The following MACROD2 variants were observed in gnomAD, a reference collection of about 807,000 sequenced individuals.
MACROD2 encodes the protein mono-ADP ribosylhydrolase 2.
Under a neutral mutation model 70.4 loss-of-function variants are expected in MACROD2, and 36 were observed. The observed-to-expected ratio is 0.51, with a 90% CI of 0.39 to 0.68. The LOEUF (loss-of-function observed/expected upper bound fraction) is 0.68. Among genes scored for constraint, MACROD2 ranks in the 30% least tolerant of loss-of-function variants. The pLI is 0.00. For missense variants in MACROD2, 496 were observed against 538.4 expected, an observed-to-expected ratio of 0.92 and a Z score of 0.78; for synonymous variants, 172 against 178.8, an observed-to-expected ratio of 0.96 and a Z score of 0.30.
chr20:15,583,842 A>G lies in MACROD2; in HGVS notation c.645+83995A>G, dbSNP rs561880822. On this transcript the variant is annotated intron_variant, in intron 8 of 17. Transcript: ENST00000684519. ...TTTCTGGTAGAGACAGGGTTTCACC[A>G]TGTTGGCCAGGCTGGTCTCAAACTC... is the stretch of plus-strand genomic sequence containing the variant. Among the ~76,000 whole-genome samples the G allele has an allele frequency of 1.7e-4, 26 of 152,210 alleles. No individual in the cohort carries two copies. In the East Asian group the frequency reaches 4.7e-3, roughly 27 times the overall value.
chr20:14,875,983 C>T (rs889647567), intron 5 of MACROD2, among the ~76,000 whole-genome samples: 10 of 151,958 alleles, frequency 6.6e-5, no homozygotes, highest in Non-Finnish European at 1.0e-4. Context: ...GTTATATATC[C>T]AGTATTGGGA....
At chr20:14,109,125 A>G (rs1228883513) in intron 3 of MACROD2, among the ~76,000 whole-genome samples, 1 of 152,120 alleles carries the variant, frequency 6.6e-6, no homozygotes, top group Non-Finnish European at 1.5e-5. Context: ...TTTGGAAACT[A>G]TACAAACACA....
intron 3 of MACROD2, among the ~76,000 whole-genome samples, chr20:14,123,456 A>C (rs2054609285): frequency 6.6e-6 from 1 of 152,158 alleles, no homozygotes; most frequent in Admixed American, 6.5e-5. Context: ...GTAAAGATGT[A>C]GGGAAGACAA....
intron 5 of MACROD2, among the ~76,000 whole-genome samples, chr20:14,898,616 G>C (rs2073858806): frequency 6.6e-6 from 1 of 152,120 alleles, no homozygotes; most frequent in African/African-American, 2.4e-5. Context: ...ACAAAAATTA[G>C]CTGGGCTATA....
At chr20:14,373,525 C>T (rs1568582798) in intron 3 of MACROD2, among the ~76,000 whole-genome samples, 1 of 152,006 alleles carries the variant, frequency 6.6e-6, no homozygotes, top group Admixed American at 6.6e-5. Context: ...TATTTTTCTG[C>T]AGATCCCTCA....
intron 5 of MACROD2, among the ~76,000 whole-genome samples, chr20:15,021,934 G>C (rs2075190085): frequency 6.6e-6 from 1 of 151,958 alleles, no homozygotes; most frequent in Admixed American, 6.6e-5. Flanking sequence ...AGAAAGAGGG[G>C]AGAGGAGTGT....
chr20:15,794,552 C>G (rs1215867347), intron 8 of MACROD2, among the ~76,000 whole-genome samples: 1 of 152,104 alleles, frequency 6.6e-6, no homozygotes, highest in Non-Finnish European at 1.5e-5. Flanking sequence ...CATTTTTTCT[C>G]CTTTCCCCTA....
intron 12 of MACROD2, among the ~76,000 whole-genome samples, chr20:15,952,645 A>G (rs1036609849): frequency 1.3e-5 from 2 of 152,158 alleles, no homozygotes; most frequent in East Asian, 1.9e-4. Flanking sequence ...AGTATTGTCC[A>G]TGGTCAAAGC....
chr20:15,559,751 G>T (rs2048217928), intron 8 of MACROD2, among the ~76,000 whole-genome samples: 1 of 152,190 alleles, frequency 6.6e-6, no homozygotes, highest in South Asian at 2.1e-4. Flanking sequence ...GGGGTGAGGA[G>T]ATGGAATTTT....
intron 9 of MACROD2, among the ~76,000 whole-genome samples, chr20:15,870,138 G>A (rs1304333505): frequency 1.3e-5 from 2 of 151,778 alleles, no homozygotes; most frequent in Non-Finnish European, 2.9e-5. Context: ...TTATTGATAT[G>A]AATATATCTT....
chr20:15,468,232 T>C (rs1206096398), intron 7 of MACROD2, among the ~76,000 whole-genome samples: 1 of 152,066 alleles, frequency 6.6e-6, no homozygotes, highest in African/African-American at 2.4e-5. Flanking sequence ...CTTTCAAAAG[T>C]ACTTGTGCTG....
intron 15 of MACROD2, among the ~76,000 whole-genome samples, chr20:16,004,754 G>C (rs1175851203): frequency 6.6e-6 from 1 of 152,180 alleles, no homozygotes; most frequent in African/African-American, 2.4e-5. Context: ...TTCTCTCTCT[G>C]GGCACGAGTG....
intron 6 of MACROD2, among the ~76,000 whole-genome samples, chr20:15,257,305 G>A (rs889199571): frequency 3.3e-4 from 50 of 152,074 alleles, no homozygotes; most frequent in African/African-American, 1.2e-3. Flanking sequence ...GGAAGCCTCT[G>A]GGGGCAAGTG....
At chr20:14,206,660 T>C (rs566622485) in intron 3 of MACROD2, among the ~76,000 whole-genome samples, 1 of 151,910 alleles carries the variant, frequency 6.6e-6, no homozygotes, top group East Asian at 1.9e-4. Context: ...ATGAGGCTTT[T>C]TTTTTTTTTT....
chr20:14,598,015 C>T (rs971159631), intron 4 of MACROD2, among the ~76,000 whole-genome samples: 3 of 152,102 alleles, frequency 2.0e-5, no homozygotes, highest in Non-Finnish European at 4.4e-5. Context: ...CTGTGCTTCT[C>T]TACCTTTGTT....
chr20:15,183,232 C>T (rs916064322), intron 5 of MACROD2, among the ~76,000 whole-genome samples: 4 of 152,096 alleles, frequency 2.6e-5, no homozygotes, highest in African/African-American at 9.7e-5. Flanking sequence ...TCCCATTCCT[C>T]AGCAGTTAAA....
intron 8 of MACROD2, among the ~76,000 whole-genome samples, chr20:15,833,729 C>T (rs2058837321): frequency 6.6e-6 from 1 of 152,194 alleles, no homozygotes; most frequent in African/African-American, 2.4e-5. Flanking sequence ...AGGACTGACT[C>T]ATCTTCATCA....
At chr20:14,475,419 TATTAA>T (rs1460998897) in intron 3 of MACROD2, among the ~76,000 whole-genome samples, 1 of 152,176 alleles carries the variant, frequency 6.6e-6, no homozygotes, top group East Asian at 1.9e-4. Flanking sequence ...TTAGAGTAAA[TATTAA>T]ATTAAGTCTA....
chr20:15,339,758 G>A (rs1568732820), intron 6 of MACROD2, among the ~76,000 whole-genome samples: 1 of 151,638 alleles, frequency 6.6e-6, no homozygotes, highest in Non-Finnish European at 1.5e-5. Context: ...TATTCATTTT[G>A]TGATTCAAAG....
Sources: allele counts gnomAD v4.1 joint callset (sites outside exome capture counted in the v4.1 genomes callset), GRCh38; gene constraint gnomAD v4.1.1; transcripts MANE v1.5; gene names NCBI Gene and HGNC (gene_info 2026-07-23, HGNC 2026-07-21).